CPEB2: variants seen among roughly 807,000 people sequenced by gnomAD.
CPEB2 encodes the protein cytoplasmic polyadenylation element-binding protein 2.
Under a neutral mutation model 93.6 loss-of-function variants are expected in CPEB2, and 56 were observed. The ratio of observed to expected loss-of-function variants is 0.60; its 90% confidence interval spans 0.48 to 0.75. The LOEUF (loss-of-function observed/expected upper bound fraction) is 0.75, where lower values mean the gene tolerates loss of function less well. CPEB2 is among the 30% of genes least tolerant of loss of function. The pLI is 0.00. For synonymous variants in CPEB2, 764 were observed against 586.3 expected, an observed-to-expected ratio of 1.30 and a Z score of -4.38; for missense variants, 1,579 against 1,395.1, an observed-to-expected ratio of 1.13 and a Z score of -2.10.
chr4:15,031,190 T>C (rs1439054023), intron 4 of CPEB2, among the ~76,000 whole-genome samples: 1 of 152,182 alleles, frequency 6.6e-6, no homozygotes, highest in Non-Finnish European at 1.5e-5. Flanking sequence ...TTACATGCTC[T>C]GCATCCTACA....
chr4:15,002,879 T>A lies in CPEB2; in HGVS notation c.206T>A (p.Leu69His). ...GCCGCCTCCCCCTTCTCCGTCCCCCTCGGCGGCGGCGCGGGCAGCCCGGCC... is the reference window on the plus strand; with the variant it reads ...GCCGCCTCCCCCTTCTCCGTCCCCCACGGCGGCGGCGCGGGCAGCCCGGCC... ...LEAASPFSVP[L>H]GGGAGSPAAA... The change falls in exon 1 of 12, where the codon CTC becomes CAC. Residue 69 changes from leucine (L) to histidine (H), a missense_variant. Leu to His is a moderately conservative substitution (Grantham distance 99, BLOSUM62 -3). Transcript: ENST00000538197. The A allele has an allele frequency of 6.6e-7, 1 of 1,515,398 alleles. No individual in the cohort carries two copies. The highest frequency in any genetic ancestry group is 8.8e-7 in the Non-Finnish European group (1 of 1,140,968). 93.9% of individuals were successfully genotyped at this position (1,515,398 alleles called of 1,614,324 possible). A position where few individuals can be genotyped will look rare whatever the true frequency, so the allele number is the denominator to read the frequency against.
intron 8 of CPEB2, among the ~76,000 whole-genome samples, chr4:15,055,349 C>G (rs1295727773): frequency 6.6e-6 from 1 of 152,120 alleles, no homozygotes; most frequent in African/African-American, 2.4e-5. Context: ...TTGGAGGTCA[C>G]AAAACCTTGG....
chr4:15,005,694 C>T (rs573273483), intron 1 of CPEB2, among the ~76,000 whole-genome samples: 3 of 152,246 alleles, frequency 2.0e-5, no homozygotes, highest in Admixed American at 1.3e-4. Flanking sequence ...TAAATTAACC[C>T]AAGTGAAAGT....
intron 3 of CPEB2, among the ~76,000 whole-genome samples, chr4:15,014,690 A>G (rs1723898040): frequency 6.6e-6 from 1 of 151,792 alleles, no homozygotes; most frequent in Admixed American, 6.6e-5. Flanking sequence ...TTTTTTATTG[A>G]GTTTTTATGG....
intron 3 of CPEB2, among the ~76,000 whole-genome samples, chr4:15,009,898 C>T (rs2108961907): frequency 6.6e-6 from 1 of 152,302 alleles, no homozygotes; most frequent in South Asian, 2.1e-4. Context: ...GCTGCCCTCC[C>T]ACTTAGACTT....
At chr4:15,042,254 G>A (rs1348914611) in intron 6 of CPEB2, among the ~76,000 whole-genome samples, 2 of 152,116 alleles carry the variant, frequency 1.3e-5, no homozygotes, top group Non-Finnish European at 2.9e-5. Context: ...GACCTAAGAA[G>A]TTCTTAGGAA....
chr4:15,005,509 G>C lies in CPEB2; in HGVS notation c.1662+1174G>C, dbSNP rs187604986. Among the ~76,000 whole-genome samples the C allele has an allele frequency of 6.7e-3, 1,016 of 152,320 alleles. 12 individuals carry two copies. Among genetic ancestry groups the C allele is most frequent in the African/African-American group, 0.023 (956 of 41,558 alleles). On this transcript the variant is annotated intron_variant, in intron 1 of 11. Transcript: ENST00000538197. ...AGATTGGTAAATTGGCATTGAAAGA[G>C]TGTCTTGTTGGTTTTGAATCTTGTT... is the stretch of plus-strand genomic sequence containing the variant.
intron 4 of CPEB2, among the ~76,000 whole-genome samples, chr4:15,032,746 A>T (rs1267489622): frequency 6.6e-6 from 1 of 152,256 alleles, no homozygotes; most frequent in Non-Finnish European, 1.5e-5. Flanking sequence ...TGATTTAGGA[A>T]TATGAAATTC....
In CPEB2 at chr4:15,068,566, G is replaced by A. The variant is rs1195912071; in HGVS notation, c.*2186G>A. 1 of 152,224 alleles carries A rather than the reference G, an allele frequency of 6.6e-6. No homozygotes were observed. The highest frequency in any genetic ancestry group is 2.4e-5 in the African/African-American group (1 of 41,404). 9.4% of individuals were successfully genotyped at this position (152,224 alleles called of 1,614,324 possible). ...TATACCTCAATTTTTGGAATTTAGA[G>A]AAGAAATCAGTAGTTTTGCAATGTT... On this transcript the variant is annotated 3_prime_UTR_variant, in exon 12 of 12. Transcript: ENST00000538197.
At chr4:15,008,467 G>C (rs1723095661) in intron 3 of CPEB2, 40 bp downstream of exon 3, 1 of 1,366,548 alleles carries the variant, frequency 7.3e-7, no homozygotes, top group Admixed American at 1.7e-5. Flanking sequence ...TTTCGGTTAG[G>C]AGTTTAGTAT....
Position 15,008,355 on chromosome 4 carries a change from G to A in CPEB2, c.1962G>A (p.Gln654=), listed in dbSNP as rs1448227530. Residue 654 remains glutamine (Q), a synonymous_variant, in exon 3 of 12, where the codon CAG becomes CAA. Transcript: ENST00000538197. ...TATTGAAGGTGAGATCTAGTTTGCA[G>A]TTGCCAGCTTGGGGCTCAGATTCAC... The part of the protein sequence containing the change: ...LLPLQVRSSL[Q]LPAWGSDSLQ... 2.5e-6 allele frequency: 4 copies of A among 1,613,774 alleles called. No homozygotes were observed. In the South Asian group the frequency reaches 4.4e-5, roughly 18 times the overall value.
intron 6 of CPEB2, among the ~76,000 whole-genome samples, chr4:15,051,017 C>G (rs1324713286): frequency 3.3e-5 from 5 of 152,180 alleles, no homozygotes; most frequent in Admixed American, 1.3e-4. Flanking sequence ...CTTTCTTATA[C>G]CAGTTTCTGG....
At chr4:15,015,360 C>A (rs748357099) in intron 3 of CPEB2, among the ~76,000 whole-genome samples, 5 of 151,930 alleles carry the variant, frequency 3.3e-5, no homozygotes, top group Non-Finnish European at 4.4e-5. Context: ...ACCTCAGGGG[C>A]CTTTCAGTAA....
At chr4:15,051,145 T>C (rs983460298) in intron 6 of CPEB2, among the ~76,000 whole-genome samples, 2 of 152,160 alleles carry the variant, frequency 1.3e-5, no homozygotes, top group Non-Finnish European at 2.9e-5. Flanking sequence ...CTGCCATCCA[T>C]CCTTTGTGGA....
At chr4:15,059,134 A>G in intron 9 of CPEB2, 53 bp from the exon 10 acceptor site, 1 of 1,081,826 alleles carries the variant, frequency 9.2e-7, no homozygotes, top group Non-Finnish European at 1.4e-6. Flanking sequence ...AAACAAACAG[A>G]AAATTCTCAT....
At chr4:15,023,290 AT>A (rs1447308810) in intron 4 of CPEB2, among the ~76,000 whole-genome samples, 3 of 152,168 alleles carry the variant, frequency 2.0e-5, no homozygotes, top group African/African-American at 7.2e-5. Flanking sequence ...AGGCTTATGC[AT>A]TTTAACTACT....
intron 8 of CPEB2, among the ~76,000 whole-genome samples, chr4:15,057,770 T>C (rs1463201538): frequency 6.6e-6 from 1 of 152,190 alleles, no homozygotes; most frequent in Non-Finnish European, 1.5e-5. Flanking sequence ...AAAGTTTTGA[T>C]CCATCTGACC....
At chr4:15,046,621 A>T (rs949984489) in intron 6 of CPEB2, among the ~76,000 whole-genome samples, 5 of 152,200 alleles carry the variant, frequency 3.3e-5, no homozygotes, top group Non-Finnish European at 7.3e-5. Flanking sequence ...ATGACATCTA[A>T]GCACCTTTTC....
intron 3 of CPEB2, among the ~76,000 whole-genome samples, chr4:15,009,431 GTTAC>G (rs1723206251): frequency 6.6e-6 from 1 of 152,168 alleles, no homozygotes; most frequent in South Asian, 2.1e-4. Context: ...AGAAATGGTA[GTTAC>G]TTCATGCAAT....
Sources: allele counts gnomAD v4.1 joint callset (sites outside exome capture counted in the v4.1 genomes callset), GRCh38; gene constraint gnomAD v4.1.1; transcripts MANE v1.5; gene names NCBI Gene and HGNC (gene_info 2026-07-23, HGNC 2026-07-21).